PTPRD: variants seen among roughly 807,000 people sequenced by gnomAD.
PTPRD encodes the protein protein tyrosine phosphatase receptor type D.
In PTPRD, 34 loss-of-function variants were observed where a neutral mutation model predicts 214.5. The ratio of observed to expected loss-of-function variants is 0.16; its 90% CI spans 0.12 to 0.21. The LOEUF is 0.21. Among genes scored for constraint, PTPRD ranks in the 10% least tolerant of loss-of-function variants. The pLI is 1.00. For synonymous variants in PTPRD, 1,128 were observed against 845.7 expected, an observed-to-expected ratio of 1.33 and a Z score of -5.79; for missense variants, 2,545 against 2,398.7, an observed-to-expected ratio of 1.06 and a Z score of -1.27.
chr9:10,094,664 A>C (rs1425365505), intron 3 of PTPRD, among the ~76,000 whole-genome samples: 1 of 150,382 alleles, frequency 6.6e-6, no homozygotes, highest in Non-Finnish European at 1.5e-5. Context: ...AATCATGTTT[A>C]GTTTATGTAA....
At chr9:8,990,845 T>C (rs1198103295) in intron 11 of PTPRD, among the ~76,000 whole-genome samples, 1 of 152,134 alleles carries the variant, frequency 6.6e-6, no homozygotes, top group East Asian at 1.9e-4. Context: ...GTCAGTCTAC[T>C]GCCGTAAGAT....
At chr9:8,773,983 A>T (rs1328095919) in intron 11 of PTPRD, among the ~76,000 whole-genome samples, 1 of 152,128 alleles carries the variant, frequency 6.6e-6, no homozygotes, top group Non-Finnish European at 1.5e-5. Context: ...CTCCAACCCC[A>T]AGAAGAGTTA....
intron 7 of PTPRD, among the ~76,000 whole-genome samples, chr9:9,594,393 T>G (rs1448596121): frequency 2.0e-5 from 3 of 152,024 alleles, no homozygotes; most frequent in African/African-American, 7.2e-5. Flanking sequence ...TTGTAGAATT[T>G]TTATAGTTTT....
intron 3 of PTPRD, among the ~76,000 whole-genome samples, chr9:10,112,348 C>T (rs1349278254): frequency 2.0e-5 from 3 of 152,102 alleles, no homozygotes; most frequent in Non-Finnish European, 4.4e-5. Context: ...GACAGATACT[C>T]TGTGTTTGCC....
At chr9:10,555,060 T>G (rs2062199782) in intron 2 of PTPRD, among the ~76,000 whole-genome samples, 2 of 152,352 alleles carry the variant, frequency 1.3e-5, no homozygotes, top group African/African-American at 2.4e-5. Flanking sequence ...TATGAAATTG[T>G]TATAATTTAT....
intron 3 of PTPRD, among the ~76,000 whole-genome samples, chr9:10,107,540 C>A (rs2098646527): frequency 6.6e-6 from 1 of 152,068 alleles, no homozygotes. Context: ...CTTAAGCAAT[C>A]TCATCTGTCC....
chr9:10,332,645 A>G (rs891867118), intron 3 of PTPRD, among the ~76,000 whole-genome samples: 2 of 151,876 alleles, frequency 1.3e-5, no homozygotes, highest in Admixed American at 6.6e-5. Context: ...AATAAAACTC[A>G]GTAGGTACTA....
chr9:9,603,042 A>G (rs879520945), intron 7 of PTPRD, among the ~76,000 whole-genome samples: 2 of 152,186 alleles, frequency 1.3e-5, no homozygotes, highest in Non-Finnish European at 2.9e-5. Flanking sequence ...TAGTTCCCTT[A>G]AAAAGAATTC....
At chr9:10,157,748 A>G (rs1417840413) in intron 3 of PTPRD, among the ~76,000 whole-genome samples, 3 of 152,120 alleles carry the variant, frequency 2.0e-5, no homozygotes, top group Non-Finnish European at 2.9e-5. Context: ...GTTCCATTCC[A>G]TTATCCTCAT....
At chr9:9,011,180 G>A (rs7029466) in intron 11 of PTPRD, among the ~76,000 whole-genome samples, 3 of 152,006 alleles carry the variant, frequency 2.0e-5, no homozygotes, top group African/African-American at 4.8e-5. Flanking sequence ...ATACAAAAGT[G>A]GGGGGAGTCT....
chr9:9,862,841 T>C (rs75875008), intron 5 of PTPRD, among the ~76,000 whole-genome samples: 1 of 152,230 alleles, frequency 6.6e-6, no homozygotes, highest in Non-Finnish European at 1.5e-5. Context: ...TAAGTCTTTC[T>C]GTATACATTC....
At chr9:10,025,343 T>C (rs1475718757) in intron 4 of PTPRD, among the ~76,000 whole-genome samples, 1 of 152,238 alleles carries the variant, frequency 6.6e-6, no homozygotes, top group Non-Finnish European at 1.5e-5. Context: ...CGAGATGGTA[T>C]CTGAACTGCT....
chr9:9,278,495 A>G (rs1010983589), intron 9 of PTPRD, among the ~76,000 whole-genome samples: 1 of 151,328 alleles, frequency 6.6e-6, no homozygotes, highest in Non-Finnish European at 1.5e-5. Context: ...TAAGTGCCCA[A>G]TAGGATACTG....
At chr9:9,350,675 G>T (rs1218308336) in intron 9 of PTPRD, among the ~76,000 whole-genome samples, 5 of 151,932 alleles carry the variant, frequency 3.3e-5, no homozygotes, top group Non-Finnish European at 7.4e-5. Flanking sequence ...AAAGGAATCT[G>T]TGTGGCCCTT....
At chr9:9,423,498 A>G (rs1569568193) in intron 8 of PTPRD, among the ~76,000 whole-genome samples, 1 of 152,176 alleles carries the variant, frequency 6.6e-6, no homozygotes, top group Non-Finnish European at 1.5e-5. Context: ...TTTGTATGAC[A>G]ACCTAGGGTA....
chr9:9,615,208 G>C (rs539117771), intron 7 of PTPRD, among the ~76,000 whole-genome samples: 1 of 152,110 alleles, frequency 6.6e-6, no homozygotes, highest in Non-Finnish European at 1.5e-5. Flanking sequence ...TCAACCACCT[G>C]CGTCCCAGAG....
intron 5 of PTPRD, among the ~76,000 whole-genome samples, chr9:9,913,599 G>C (rs1160409666): frequency 1.3e-5 from 2 of 152,126 alleles, no homozygotes; most frequent in East Asian, 3.9e-4. Context: ...AGAATCTGCA[G>C]ACCCATCTCC....
chr9:9,672,323 T>C (rs1018451627), intron 7 of PTPRD, among the ~76,000 whole-genome samples: 1 of 152,148 alleles, frequency 6.6e-6, no homozygotes, highest in African/African-American at 2.4e-5. Context: ...AAAATAAAAA[T>C]AAATTACCTA....
chr9:9,984,771 G>A (rs1419118386), intron 4 of PTPRD, among the ~76,000 whole-genome samples: 2 of 152,110 alleles, frequency 1.3e-5, no homozygotes, highest in Non-Finnish European at 1.5e-5. Context: ...TTAGGGTGCT[G>A]CTGCTGCTGT....
Sources: allele counts gnomAD v4.1 joint callset (sites outside exome capture counted in the v4.1 genomes callset), GRCh38; gene constraint gnomAD v4.1.1; transcripts MANE v1.5; gene names NCBI Gene and HGNC (gene_info 2026-07-23, HGNC 2026-07-21).